Variants in FSTL4 observed in about 807,000 individuals in gnomAD.
The protein encoded by FSTL4 is follistatin-related protein 4.
A neutral mutation model predicts 78.2 loss-of-function variants in FSTL4; 28 were observed. The ratio of observed to expected loss-of-function variants is 0.36; its 90% confidence interval spans 0.27 to 0.49. FSTL4 has a LOEUF of 0.49. FSTL4 is among the 20% of genes least tolerant of loss of function. FSTL4 has a pLI of 0.98. For synonymous variants in FSTL4, 422 were observed against 440.5 expected, an observed-to-expected ratio of 0.96 and a Z score of 0.53; for missense variants, 922 against 1,084.9, an observed-to-expected ratio of 0.85 and a Z score of 2.11.
chr5:133,815,832 G>A, the FSTL4 span, among the ~76,000 whole-genome samples: 11 of 152,148 alleles, frequency 7.2e-5, no homozygotes, highest in Admixed American at 2.0e-4. Flanking sequence ...CTGGCTTCTT[G>A]ATACAAGTAC....
intron 3 of FSTL4, among the ~76,000 whole-genome samples, chr5:133,404,125 G>C (rs1339704425): frequency 1.3e-5 from 2 of 152,232 alleles, no homozygotes; most frequent in Non-Finnish European, 2.9e-5. Flanking sequence ...GACAAAAGTA[G>C]CATGAAGGCC....
chr5:133,202,118 G>A, intron 14 of FSTL4, 76 bp from the exon 15 acceptor site: 3 of 896,474 alleles, frequency 3.3e-6, no homozygotes, highest in Non-Finnish European at 5.2e-6. Flanking sequence ...GTACGCTCAG[G>A]TGGAGTCACC....
At chr5:133,395,519 G>T (rs146335445) in intron 4 of FSTL4, among the ~76,000 whole-genome samples, 1 of 152,190 alleles carries the variant, frequency 6.6e-6, no homozygotes, top group African/African-American at 2.4e-5. Flanking sequence ...CTTCATTCTC[G>T]AAGTCAGAGA....
intron 3 of FSTL4, among the ~76,000 whole-genome samples, chr5:133,437,740 C>T (rs187070756): frequency 8.1e-4 from 123 of 152,024 alleles, no homozygotes; most frequent in Middle Eastern, 6.8e-3. Context: ...ATCCACTCAC[C>T]TCAGCCTCCC....
chr5:133,841,059 T>C, the FSTL4 span, among the ~76,000 whole-genome samples: 1 of 152,218 alleles, frequency 6.6e-6, no homozygotes, highest in Non-Finnish European at 1.5e-5. Context: ...ATCTGCATTG[T>C]CTTTTCCAAC....
At chr5:133,571,494 C>T (rs1157828628) in intron 2 of FSTL4, among the ~76,000 whole-genome samples, 1 of 152,092 alleles carries the variant, frequency 6.6e-6, no homozygotes, top group Non-Finnish European at 1.5e-5. Context: ...TAGGCACAAG[C>T]TTTAGAATAA....
chr5:133,722,566 G>A, the FSTL4 span, among the ~76,000 whole-genome samples: 3 of 152,146 alleles, frequency 2.0e-5, no homozygotes, highest in Non-Finnish European at 2.9e-5. Flanking sequence ...AGATCATTAT[G>A]TGGAATTCTC....
intron 6 of FSTL4, among the ~76,000 whole-genome samples, chr5:133,251,396 A>G (rs1438305423): frequency 5.3e-5 from 8 of 152,146 alleles, no homozygotes; most frequent in Non-Finnish European, 1.0e-4. Context: ...CTGGGCAGAG[A>G]GCCAGAACCA....
intron 4 of FSTL4, among the ~76,000 whole-genome samples, chr5:133,331,894 C>T (rs909368193): frequency 9.9e-5 from 15 of 152,154 alleles, no homozygotes; most frequent in Non-Finnish European, 1.8e-4. Context: ...ATTATCTACA[C>T]GGGAAACTTA....
the FSTL4 span, among the ~76,000 whole-genome samples, chr5:133,655,869 C>T: frequency 1.3e-5 from 2 of 152,082 alleles, no homozygotes; most frequent in Admixed American, 6.5e-5. Context: ...TCATGGTAAA[C>T]CAGTGAGATA....
chr5:133,746,652 A>C, the FSTL4 span, among the ~76,000 whole-genome samples: 2 of 152,310 alleles, frequency 1.3e-5, no homozygotes, highest in African/African-American at 4.8e-5. Context: ...TACAAGCTAA[A>C]TGAACAAGAA....
intron 4 of FSTL4, among the ~76,000 whole-genome samples, chr5:133,371,878 C>T (rs900667426): frequency 6.6e-6 from 1 of 152,230 alleles, no homozygotes; most frequent in Non-Finnish European, 1.5e-5. Context: ...CCCCAACAGC[C>T]TCGGCTGCTG....
intron 1 of FSTL4, among the ~76,000 whole-genome samples, chr5:133,608,705 T>C (rs547725801): frequency 1.3e-5 from 2 of 152,368 alleles, no homozygotes; most frequent in South Asian, 2.1e-4. Context: ...CTAATATCTG[T>C]GCTATTATTT....
the FSTL4 span, among the ~76,000 whole-genome samples, chr5:133,789,458 T>C: frequency 3.3e-5 from 5 of 152,238 alleles, no homozygotes; most frequent in Non-Finnish European, 5.9e-5. Flanking sequence ...AATTGTTCAA[T>C]GACTCTTCAG....
chr5:133,230,015 A>C (rs1751446726), intron 8 of FSTL4, among the ~76,000 whole-genome samples: 1 of 152,202 alleles, frequency 6.6e-6, no homozygotes, highest in Non-Finnish European at 1.5e-5. Flanking sequence ...TCACCCAGGA[A>C]GTGCTTCCTG....
At chr5:133,772,078 G>A in the FSTL4 span, among the ~76,000 whole-genome samples, 8 of 152,042 alleles carry the variant, frequency 5.3e-5, no homozygotes, top group East Asian at 1.9e-4. Flanking sequence ...AAAATAACCC[G>A]GGATGATTTT....
chr5:133,827,746 G>A, the FSTL4 span, among the ~76,000 whole-genome samples: 2 of 151,548 alleles, frequency 1.3e-5, no homozygotes, highest in Admixed American at 1.3e-4. Context: ...ACACAAGGCT[G>A]GTCACACACC....
chr5:133,561,842 C>T (rs547099915), intron 3 of FSTL4, among the ~76,000 whole-genome samples: 18 of 152,310 alleles, frequency 1.2e-4, no homozygotes, highest in African/African-American at 4.1e-4. Flanking sequence ...GGCACCAAAT[C>T]ACTACTTAAG....
At chr5:133,698,189 C>T in the FSTL4 span, among the ~76,000 whole-genome samples, 3 of 151,504 alleles carry the variant, frequency 2.0e-5, no homozygotes, top group South Asian at 2.1e-4. Context: ...ACCCTGCTCG[C>T]GTCGAAAAAT....
Sources: gnomAD v4.1 joint callset for allele counts (sites outside exome capture counted in the v4.1 genomes callset) on GRCh38, gnomAD v4.1.1 for gene constraint, MANE v1.5 for transcripts, NCBI Gene and HGNC (gene_info 2026-07-23, HGNC 2026-07-21) for gene names.